Variants in KIF13A observed in about 807,000 individuals in gnomAD.
KIF13A encodes kinesin-like protein KIF13A.
A neutral mutation model predicts 212.2 loss-of-function variants in KIF13A; 79 were observed. The ratio of observed to expected loss-of-function variants is 0.37; its 90% CI spans 0.31 to 0.45. KIF13A has a LOEUF of 0.45. Ranked by LOEUF, KIF13A falls within the 20% of genes least tolerant of loss-of-function variation. The pLI is 1.00. For missense variants in KIF13A, 1,901 were observed against 2,209.0 expected (o/e 0.86, Z 2.79); for synonymous variants, 789 against 808.6 (o/e 0.98, Z 0.41).
At position 17,796,109 on chromosome 6, in the gene KIF13A, G is replaced by C. The variant is rs369317775; in HGVS notation, c.2942+560C>G. On this transcript the variant is annotated intron_variant, in intron 23 of 38. Transcript: ENST00000259711. The stretch of plus-strand genomic sequence containing the variant: ...TCATCATTCTCATTTTACAAACGAG[G>C]AAATAGGCTCAGAGAAGTTAAATAA... 3.3e-5 allele frequency among the ~76,000 whole-genome samples: 5 copies of C among 151,024 alleles called. No individual in the cohort carries two copies. In the South Asian group the frequency reaches 6.3e-4, roughly 19 times the overall value.
chr6:17,861,951 T>A (rs1768836256), intron 4 of KIF13A, among the ~76,000 whole-genome samples: 1 of 152,228 alleles, frequency 6.6e-6, no homozygotes, highest in African/African-American at 2.4e-5. Flanking sequence ...GCCTCACAAA[T>A]CCTTTTTCAC....
In KIF13A at chr6:17,796,834, G is replaced by C; in HGVS notation, c.2791-14C>G. The C allele has an allele frequency of 6.8e-7, 1 of 1,464,060 alleles. No homozygotes were observed. The highest frequency in any genetic ancestry group is 9.1e-7 in the Non-Finnish European group (1 of 1,098,754). The allele number at this position is 1,464,060 out of a possible 1,614,324, so 90.7% of individuals were successfully genotyped here. A position where few individuals can be genotyped will look rare whatever the true frequency, so the allele number is the denominator to read the frequency against. ...CACCACATAGTCCTGGGATAAGTGG[G>C]GGAAAGCAAAAGAATTATGCTTAAA... is the stretch of plus-strand genomic sequence containing the variant. On this transcript the variant is annotated splice_polypyrimidine_tract_variant and intron_variant, in intron 22 of 38. Coordinates refer to ENST00000259711, the MANE Select transcript of KIF13A (RefSeq NM_022113.6).
rs1781656271 is a variant in KIF13A, at chr6:17,987,256, G to A, written c.56-112C>T. 1 of 926,006 alleles carries A rather than the reference G, an allele frequency of 1.1e-6. No individual in the cohort carries two copies. The highest frequency in any genetic ancestry group is 1.4e-6 in the Non-Finnish European group (1 of 704,204). The allele number at this position is 926,006 out of a possible 1,614,324, so 57.4% of individuals were successfully genotyped here. ...GTCCCTGGAGGCGGCCGAGCCTGGA[G>A]ACGGCGCCCCGGGCACCACGGCCAG... On this transcript the variant is annotated intron_variant, in intron 1 of 38. Transcript: ENST00000259711. This position sits in a 1 kb window ranked among gnomAD's most constrained non-coding sequence, Gnocchi z 7.7.
chr6:17,974,687 G>A (rs1780128648), intron 2 of KIF13A, among the ~76,000 whole-genome samples: 1 of 152,200 alleles, frequency 6.6e-6, no homozygotes, highest in South Asian at 2.1e-4. Context: ...TGTCCAAGGT[G>A]CACTACAGCC....
chr6:17,810,099 G>C (rs1300185224), intron 17 of KIF13A, among the ~76,000 whole-genome samples: 1 of 151,926 alleles, frequency 6.6e-6, no homozygotes, highest in Non-Finnish European at 1.5e-5. Context: ...CATTTTTCCA[G>C]TCACCCACGC....
chr6:17,862,437 A>G (rs369753219), intron 4 of KIF13A, among the ~76,000 whole-genome samples: 1 of 152,326 alleles, frequency 6.6e-6, no homozygotes, highest in African/African-American at 2.4e-5. Flanking sequence ...AAGAAAAATT[A>G]TCTAGTTATT....
intron 16 of KIF13A, chr6:17,822,040 C>CTTT: frequency 3.2e-6 from 2 of 615,928 alleles, no homozygotes; most frequent in Non-Finnish European, 4.7e-6. Context: ...GGAAACATAA[C>CTTT]TTCTTTTTTT....
At position 17,947,043 on chromosome 6, in the gene KIF13A, G is replaced by A. The variant is rs573196720; in HGVS notation, c.146+40011C>T. The stretch of plus-strand genomic sequence containing the variant: ...CAATAAAGCTATTTTAAAAACAGAT[G>A]AGCAAATAAAGTGTGACGAAAAGTT... On this transcript the variant is annotated intron_variant, in intron 2 of 38. Transcript: ENST00000259711. The surrounding 1 kb of genome is among the most constrained non-coding windows in gnomAD (Gnocchi z 4.6). Among the ~76,000 whole-genome samples, 4 of 152,252 alleles carry A rather than the reference G, an allele frequency of 2.6e-5. No individual in the cohort carries two copies. The highest frequency in any genetic ancestry group is 5.9e-5 in the Non-Finnish European group (4 of 68,016).
chr6:17,967,603 T>A lies in KIF13A; in HGVS notation c.146+19451A>T, dbSNP rs1779438064. On this transcript the variant is annotated intron_variant, in intron 2 of 38. Coordinates refer to ENST00000259711, the MANE Select transcript of KIF13A (RefSeq NM_022113.6). This position sits in a 1 kb window ranked among gnomAD's most constrained non-coding sequence, Gnocchi z 4.1. ...GATGCCTGGTTATCCATTTCCATAG[T>A]CATGATGCCCCCACACACAGACTGC... 6.6e-6 allele frequency among the ~76,000 whole-genome samples: 1 copy of A among 152,162 alleles called. No individual in the cohort carries two copies. Among genetic ancestry groups the A allele is most frequent in the Non-Finnish European group, 1.5e-5 (1 of 68,028 alleles).
At chr6:17,889,191 T>A (rs1257928354) in intron 3 of KIF13A, among the ~76,000 whole-genome samples, 2 of 152,192 alleles carry the variant, frequency 1.3e-5, no homozygotes, top group Non-Finnish European at 2.9e-5. Context: ...CCCCCTTACT[T>A]TTTCTGAGCA....
chr6:17,967,406 G>A lies in KIF13A; in HGVS notation c.146+19648C>T, dbSNP rs1224777221. On this transcript the variant is annotated intron_variant, in intron 2 of 38. Transcript: ENST00000259711. This position sits in a 1 kb window ranked among gnomAD's most constrained non-coding sequence, Gnocchi z 4.1. ...ATTTTCAAAGTGTTCAACAGTGAAT[G>A]GGCATCACATTTATAATTAGAAAAA... Among the ~76,000 whole-genome samples the A allele has an allele frequency of 1.3e-5, 2 of 152,116 alleles. No individual in the cohort carries two copies. Among genetic ancestry groups the A allele is most frequent in the Non-Finnish European group, 2.9e-5 (2 of 68,028 alleles).
rs111233230 is a variant in KIF13A, at chr6:17,830,523, C to T, written c.1401+578G>A. On this transcript the variant is annotated intron_variant, in intron 13 of 38. Transcript: ENST00000259711. ...TTTGAGAAATGCTACAGTAAGCTAT[C>T]CAACGTGGCATGTCCTGCGACCACA... Among the ~76,000 whole-genome samples the T allele has an allele frequency of 7.0e-3, 1,073 of 152,220 alleles. 14 individuals are homozygous for T. Among genetic ancestry groups the T allele is most frequent in the African/African-American group, 0.024 (1,002 of 41,530 alleles).
chr6:17,807,434 T>C (rs527984167), intron 18 of KIF13A, among the ~76,000 whole-genome samples: 5 of 152,130 alleles, frequency 3.3e-5, no homozygotes, highest in Admixed American at 1.3e-4. Context: ...CGCCCTGGTC[T>C]CCTGCAGTAC....
At chr6:17,913,285 G>C (rs2150507874) in intron 2 of KIF13A, among the ~76,000 whole-genome samples, 1 of 152,146 alleles carries the variant, frequency 6.6e-6, no homozygotes, top group Admixed American at 6.5e-5. Context: ...ATGGGTTTGG[G>C]AAACTCACAG....
chr6:17,975,797 C>G (rs1226859376), intron 2 of KIF13A, among the ~76,000 whole-genome samples: 1 of 152,166 alleles, frequency 6.6e-6, no homozygotes, highest in African/African-American at 2.4e-5. Flanking sequence ...ACCAGAGTAG[C>G]TAGATACAGA....
Position 17,971,105 on chromosome 6 carries a change from A to G in KIF13A, c.146+15949T>C, listed in dbSNP as rs990173899. ...ACATACAAATAACAGAGACTGGTCA[A>G]TTTTTAAGGGAAAATATCCTTTAAT... On this transcript the variant is annotated intron_variant, in intron 2 of 38. Coordinates refer to ENST00000259711, the MANE Select transcript of KIF13A (RefSeq NM_022113.6). This position sits in a 1 kb window ranked among gnomAD's most constrained non-coding sequence, Gnocchi z 4.2. Among the ~76,000 whole-genome samples, 3 of 152,230 alleles carry G rather than the reference A, an allele frequency of 2.0e-5. No individual in the cohort carries two copies. Among genetic ancestry groups the G allele is most frequent in the African/African-American group, 7.2e-5 (3 of 41,458 alleles).
At position 17,817,144 on chromosome 6, in the gene KIF13A, G is replaced by A. The variant is rs2150355029; in HGVS notation, c.1876C>T (p.Arg626Trp). 6.2e-7 allele frequency: 1 copy of A among 1,614,006 alleles called. No individual in the cohort carries two copies. Among genetic ancestry groups the A allele is most frequent in the Non-Finnish European group, 8.5e-7 (1 of 1,179,892 alleles). The change falls in exon 17 of 39, where the codon CGG becomes TGG. Residue 626 changes from arginine to tryptophan, a missense_variant. By Grantham distance (101) the Arg-to-Trp change is moderately radical (BLOSUM62 -3). Coordinates refer to ENST00000259711, the MANE Select transcript of KIF13A (RefSeq NM_022113.6). ...ALEEQRLMYE[R>W]ELEQLRQQLS... is the part of the protein sequence containing the mutation. ...TGCTGGCGGAGTTGCTCCAGTTCCC[G>A]CTCATACATGAGCCGCTGCTCCTCT...
chr6:17,921,236 T>C (rs1000217961), intron 2 of KIF13A, among the ~76,000 whole-genome samples: 2 of 152,216 alleles, frequency 1.3e-5, no homozygotes, highest in Non-Finnish European at 2.9e-5. Context: ...TCAAGTGCAC[T>C]GAGAAGTTGT....
At chr6:17,905,204 C>T (rs999692081) in intron 2 of KIF13A, among the ~76,000 whole-genome samples, 3 of 152,212 alleles carry the variant, frequency 2.0e-5, no homozygotes, top group Admixed American at 6.5e-5. Flanking sequence ...GACAATTCTT[C>T]TTCTTCCAAT....
Sources: allele counts gnomAD v4.1 joint callset (sites outside exome capture counted in the v4.1 genomes callset), GRCh38; gene constraint gnomAD v4.1.1; non-coding constraint Gnocchi (gnomAD v3.1); transcripts MANE v1.5; gene names NCBI Gene and HGNC (gene_info 2026-07-23, HGNC 2026-07-21).